Variants in NOL4L observed in about 807,000 individuals in gnomAD.
NOL4L encodes nucleolar protein 4 like, also known as nucleolar protein 4-like.
In NOL4L, 7 loss-of-function variants were observed where a neutral mutation model predicts 64.5. The ratio of observed to expected loss-of-function variants is 0.11; its 90% confidence interval spans 0.06 to 0.20. The LOEUF is 0.20. NOL4L is among the 10% of genes least tolerant of loss of function. The probability of loss-of-function intolerance (pLI) is 1.00; values close to 1 mark genes in which losing one functional copy is unlikely to be tolerated. For missense variants in NOL4L, 680 were observed against 967.1 expected (o/e 0.70, Z 3.94); for synonymous variants, 413 against 401.0 (o/e 1.03, Z -0.36).
At chr20:32,457,238 C>G (rs1467747106) in intron 5 of NOL4L, among the ~76,000 whole-genome samples, 1 of 152,190 alleles carries the variant, frequency 6.6e-6, no homozygotes, top group African/African-American at 2.4e-5. Context: ...TCTGCCCACC[C>G]AGCCCCAGCC....
intron 1 of NOL4L, among the ~76,000 whole-genome samples, chr20:32,556,278 G>GA (rs1020111584): frequency 1.3e-5 from 2 of 152,142 alleles, no homozygotes; most frequent in Non-Finnish European, 2.9e-5. Context: ...CCTTTGTGGG[G>GA]GGGGGGGGTT....
In NOL4L at chr20:32,527,866, G is replaced by C. The variant is rs764892730; in HGVS notation, c.369C>G (p.Val123=). Residue 123 remains valine (V), a synonymous_variant, in exon 2 of 11, where the codon GTC becomes GTG. Transcript: ENST00000621426. ...TGTCAAAGAAATCTTCCACCACAGC[G>C]ACCCGCTTCAGAGAGATGCCCTCTG... is the stretch of plus-strand genomic sequence containing the variant. ...SEPEGISLKR[V]AVVEDFFDII... 6.4e-7 allele frequency: 1 copy of C among 1,550,568 alleles called. No homozygotes were observed. The highest frequency in any genetic ancestry group is 8.7e-7 in the Non-Finnish European group (1 of 1,146,976).
chr20:32,479,507 G>T (rs2015594035), intron 4 of NOL4L, among the ~76,000 whole-genome samples: 1 of 152,190 alleles, frequency 6.6e-6, no homozygotes, highest in Non-Finnish European at 1.5e-5. Flanking sequence ...TGAGGTGAAT[G>T]AATTGCTTAA....
intron 1 of NOL4L, among the ~76,000 whole-genome samples, chr20:32,567,392 A>T (rs1979493695): frequency 6.6e-6 from 1 of 152,166 alleles, no homozygotes; most frequent in Non-Finnish European, 1.5e-5. Flanking sequence ...GCGAGGTGGC[A>T]GTTCCTTGCC....
At chr20:32,452,178 C>G in intron 10 of NOL4L, 58 bp downstream of exon 10, 3 of 1,461,392 alleles carry the variant, frequency 2.1e-6, no homozygotes, top group Non-Finnish European at 2.7e-6. Context: ...CAGGGCTGCT[C>G]TGCAGACCCA....
At chr20:32,488,778 C>CCTTCCTTT (rs2016232239) in intron 4 of NOL4L, among the ~76,000 whole-genome samples, 1 of 53,240 alleles carries the variant, frequency 1.9e-5, no homozygotes, top group Non-Finnish European at 2.9e-5. Context: ...TTCCTTCCTT[C>CCTTCCTTT]CTTCCTTCCT....
chr20:32,523,415 C>T (rs1043611377), intron 2 of NOL4L, among the ~76,000 whole-genome samples: 3 of 152,190 alleles, frequency 2.0e-5, no homozygotes, highest in African/African-American at 7.2e-5. Flanking sequence ...CTGCAACCTT[C>T]AGCAGGCATC....
rs1486595713 is a variant in NOL4L, at chr20:32,460,464, ATGTTTT to A, written c.842-4075_842-4070del. On this transcript the variant is annotated intron_variant, in intron 5 of 10. Coordinates refer to ENST00000621426, the MANE Select transcript of NOL4L (RefSeq NM_001256798.2). This position sits in a 1 kb window ranked among gnomAD's most constrained non-coding sequence, Gnocchi z 5.7. The stretch of plus-strand genomic sequence containing the variant: ...GGGGGCTGCCTGCAACCTGAGGCCC[ATGTTTT>A]GCCGACTGGGGAGGCCACAGGTTTG... Among the ~76,000 whole-genome samples the A allele has an allele frequency of 3.3e-5, 5 of 152,158 alleles. No individual in the cohort carries two copies. In the East Asian group the frequency reaches 9.6e-4, roughly 29 times the overall value.
chr20:32,453,077 C>A lies in NOL4L; in HGVS notation c.1498-71G>T. 6.3e-7 allele frequency: 1 copy of A among 1,593,254 alleles called. No homozygotes were observed. Among genetic ancestry groups the A allele is most frequent in the Non-Finnish European group, 8.5e-7 (1 of 1,171,830 alleles). On this transcript the variant is annotated intron_variant, in intron 8 of 10. Transcript: ENST00000621426. This position sits in a 1 kb window ranked among gnomAD's most constrained non-coding sequence, Gnocchi z 5.6. The stretch of plus-strand genomic sequence containing the variant: ...CCTGGGCTTGTGCAGAGACCCTGCC[C>A]CAGGGGTGGGTGGCACAGGGTGGGG...
chr20:32,538,623 CA>C (rs1372325256), intron 1 of NOL4L, among the ~76,000 whole-genome samples: 1 of 152,148 alleles, frequency 6.6e-6, no homozygotes, highest in Non-Finnish European at 1.5e-5. Context: ...GCTTTAGGGA[CA>C]GGGGCACCCC....
intron 4 of NOL4L, among the ~76,000 whole-genome samples, chr20:32,484,246 C>T (rs2015942007): frequency 1.3e-5 from 2 of 152,070 alleles, no homozygotes; most frequent in African/African-American, 2.4e-5. Flanking sequence ...GTTCGGCTCC[C>T]CCGGGCGGCC....
rs190067508 is a variant in NOL4L, at chr20:32,482,545, G to A, written c.700-7803C>T. On this transcript the variant is annotated intron_variant, in intron 4 of 10. Coordinates refer to ENST00000621426, the MANE Select transcript of NOL4L (RefSeq NM_001256798.2). ...TTGAAGACAAGGTGGAGGGAGGAGA[G>A]AGAGGGCGGAGGTGTAAATCCAACT... Among the ~76,000 whole-genome samples the A allele has an allele frequency of 1.2e-4, 18 of 152,220 alleles. No individual in the cohort carries two copies. The East Asian group carries it at 3.1e-3, about 26-fold the overall frequency.
chr20:32,570,001 G>A (rs1187382953), intron 1 of NOL4L, among the ~76,000 whole-genome samples: 4 of 152,226 alleles, frequency 2.6e-5, no homozygotes, highest in East Asian at 1.9e-4. Context: ...GCTGTGGATC[G>A]GATCGCAGAG....
At chr20:32,474,540 G>A (rs1226203340) in intron 5 of NOL4L, 61 bp downstream of exon 5, 1 of 1,557,276 alleles carries the variant, frequency 6.4e-7, no homozygotes, top group Non-Finnish European at 8.7e-7. Flanking sequence ...CTCACCTGAG[G>A]ACAACTGGGA....
At chr20:32,539,133 C>A (rs901870004) in intron 1 of NOL4L, among the ~76,000 whole-genome samples, 1 of 152,092 alleles carries the variant, frequency 6.6e-6, no homozygotes, top group Non-Finnish European at 1.5e-5. Context: ...CCTCTGGGTC[C>A]CAGCCCAAGG....
chr20:32,492,757 A>G (rs1460546049), intron 4 of NOL4L, among the ~76,000 whole-genome samples: 1 of 152,224 alleles, frequency 6.6e-6, no homozygotes, highest in African/African-American at 2.4e-5. Flanking sequence ...GCCATTGTGC[A>G]CATGAAGACT....
intron 1 of NOL4L, among the ~76,000 whole-genome samples, chr20:32,577,427 C>A (rs751659411): frequency 3.4e-4 from 52 of 152,216 alleles, no homozygotes; most frequent in Non-Finnish European, 1.8e-4. Flanking sequence ...TCACTGGAGC[C>A]TTCTGTATGT....
intron 4 of NOL4L, among the ~76,000 whole-genome samples, chr20:32,502,345 C>T (rs1433124420): frequency 1.3e-5 from 2 of 152,206 alleles, no homozygotes; most frequent in Admixed American, 1.3e-4. Context: ...GTAATCCCAG[C>T]ACTTTGGGAG....
intron 1 of NOL4L, among the ~76,000 whole-genome samples, chr20:32,553,640 G>A (rs903942623): frequency 3.3e-5 from 5 of 152,210 alleles, no homozygotes; most frequent in Non-Finnish European, 5.9e-5. Flanking sequence ...TACAGGCTCC[G>A]TGGAAGATGG....
Sources: allele counts gnomAD v4.1 joint callset (sites outside exome capture counted in the v4.1 genomes callset), GRCh38; gene constraint gnomAD v4.1.1; non-coding constraint Gnocchi (gnomAD v3.1); transcripts MANE v1.5; gene names NCBI Gene and HGNC (gene_info 2026-07-23, HGNC 2026-07-21).